Variants in CDH12 observed in about 807,000 individuals in gnomAD.
CDH12 encodes cadherin-12.
Under a neutral mutation model 74.1 loss-of-function variants are expected in CDH12, and 41 were observed. That is an observed-to-expected ratio of 0.55 (90% CI 0.43 to 0.72). The LOEUF (loss-of-function observed/expected upper bound fraction) is 0.72. CDH12 is among the 30% of genes least tolerant of loss of function. CDH12 has a pLI of 0.00. For missense variants in CDH12, 945 were observed against 977.2 expected (o/e 0.97, Z 0.44); for synonymous variants, 399 against 355.0 (o/e 1.12, Z -1.39).
At chr5:22,138,553 T>A (rs1308691825) in intron 4 of CDH12, among the ~76,000 whole-genome samples, 2 of 151,108 alleles carry the variant, frequency 1.3e-5, no homozygotes, top group East Asian at 3.9e-4. Context: ...TTTATATTTA[T>A]CAAAAGGTTA....
intron 1 of CDH12, among the ~76,000 whole-genome samples, chr5:22,536,548 G>A (rs964245145): frequency 1.3e-5 from 2 of 152,040 alleles, no homozygotes; most frequent in African/African-American, 4.8e-5. Flanking sequence ...TGATGATTAT[G>A]CTAATAAGTG....
chr5:22,426,442 A>G (rs533397240), intron 2 of CDH12, among the ~76,000 whole-genome samples: 43 of 152,096 alleles, frequency 2.8e-4, no homozygotes, highest in African/African-American at 9.9e-4. Context: ...GTTCTTTTCT[A>G]TTTATAACTA....
At chr5:22,758,536 G>GTTTT (rs796728010) in intron 1 of CDH12, among the ~76,000 whole-genome samples, 1 of 144,004 alleles carries the variant, frequency 6.9e-6, no homozygotes, top group Non-Finnish European at 1.5e-5. Flanking sequence ...TTGATTTATA[G>GTTTT]TTTTTTTTTT....
intron 8 of CDH12, among the ~76,000 whole-genome samples, chr5:21,833,059 TATATAAC>T (rs1419369378): frequency 3.6e-5 from 3 of 84,336 alleles, no homozygotes; most frequent in Non-Finnish European, 6.3e-5. Flanking sequence ...TATTATATGT[TATATAAC>T]ATATAATATA....
intron 5 of CDH12, among the ~76,000 whole-genome samples, chr5:21,988,679 C>T (rs185397745): frequency 1.3e-5 from 2 of 151,874 alleles, no homozygotes; most frequent in East Asian, 3.9e-4. Flanking sequence ...GGGAAAAGCA[C>T]GTAAGACATT....
At chr5:22,239,598 A>G (rs1752677667) in intron 3 of CDH12, among the ~76,000 whole-genome samples, 1 of 152,206 alleles carries the variant, frequency 6.6e-6, no homozygotes, top group Non-Finnish European at 1.5e-5. Context: ...AGGTGGATAG[A>G]TTAGACAAAT....
chr5:21,836,140 GAAT>G (rs1251692911), intron 8 of CDH12, among the ~76,000 whole-genome samples: 1 of 151,394 alleles, frequency 6.6e-6, no homozygotes, highest in Non-Finnish European at 1.5e-5. Flanking sequence ...GTTAATTTCA[GAAT>G]AATAAGAATT....
chr5:21,880,133 A>G (rs1307835659), intron 6 of CDH12, among the ~76,000 whole-genome samples: 3 of 152,160 alleles, frequency 2.0e-5, no homozygotes, highest in Non-Finnish European at 4.4e-5. Flanking sequence ...TACAGTACTG[A>G]ACCTGGGGCC....
chr5:21,853,525 C>T (rs1750586376), intron 7 of CDH12, among the ~76,000 whole-genome samples: 1 of 151,590 alleles, frequency 6.6e-6, no homozygotes, highest in Non-Finnish European at 1.5e-5. Flanking sequence ...GAGAGAATGG[C>T]AGGTTCAGTT....
chr5:21,779,005 C>G (rs548114451), intron 11 of CDH12, among the ~76,000 whole-genome samples: 56 of 151,752 alleles, frequency 3.7e-4, no homozygotes, highest in African/African-American at 1.2e-3. Flanking sequence ...TATATGTAAA[C>G]TTTTTTCAAT....
intron 1 of CDH12, among the ~76,000 whole-genome samples, chr5:22,645,665 T>G (rs959328270): frequency 6.6e-6 from 1 of 151,990 alleles, no homozygotes; most frequent in Non-Finnish European, 1.5e-5. Context: ...CATCATATGC[T>G]ACAGAGGAAT....
chr5:22,290,018 G>C (rs1462857059), intron 3 of CDH12, among the ~76,000 whole-genome samples: 2 of 152,084 alleles, frequency 1.3e-5, no homozygotes, highest in African/African-American at 4.8e-5. Context: ...ATGAGCCCCA[G>C]GTATCTGGAG....
chr5:22,242,021 T>C (rs1752769162), intron 3 of CDH12, among the ~76,000 whole-genome samples: 1 of 152,108 alleles, frequency 6.6e-6, no homozygotes, highest in South Asian at 2.1e-4. Flanking sequence ...AATATTTCTT[T>C]ATTTGTTAAA....
At chr5:22,418,755 G>T (rs990748436) in intron 2 of CDH12, among the ~76,000 whole-genome samples, 1 of 152,040 alleles carries the variant, frequency 6.6e-6, no homozygotes, top group African/African-American at 2.4e-5. Context: ...ATGGTGGCAG[G>T]CTCCTGTAAT....
rs1197292541 is a variant in CDH12 at position 22,108,053 on chromosome 5, T to A, written c.-186-29191A>T. On this transcript the variant is annotated intron_variant, in intron 4 of 14. Transcript: ENST00000382254. ...TTTTGCAATTAAGAATAATGCATGATATTGTTTGGCTGTGTTCCCACCCAA... is the reference window on the plus strand; with the variant it reads ...TTTTGCAATTAAGAATAATGCATGAAATTGTTTGGCTGTGTTCCCACCCAA... Among the ~76,000 whole-genome samples, 3 of 152,214 alleles carry A rather than the reference T, an allele frequency of 2.0e-5. No homozygotes were observed. The East Asian group carries it at 5.8e-4, about 29-fold the overall frequency.
intron 3 of CDH12, among the ~76,000 whole-genome samples, chr5:22,295,807 ATC>A (rs951746502): frequency 2.0e-5 from 3 of 152,128 alleles, no homozygotes; most frequent in Non-Finnish European, 2.9e-5. Flanking sequence ...TACGACAAGA[ATC>A]TCTATCTATG....
rs371121551 is a variant in CDH12 at position 22,082,644 on chromosome 5, G to T, written c.-186-3782C>A. Among the ~76,000 whole-genome samples the T allele has an allele frequency of 2.6e-5, 4 of 152,262 alleles. No individual in the cohort carries two copies. The South Asian group carries it at 8.3e-4, about 32-fold the overall frequency. On this transcript the variant is annotated intron_variant, in intron 4 of 14. Coordinates refer to ENST00000382254, the MANE Select transcript of CDH12 (RefSeq NM_004061.5). Reference sequence around the variant, plus strand: ...GGTTACTGAAACCATGGAAAATGACGCAGGATAAGGGGTGACTACTGTGTG... The same window carrying T: ...GGTTACTGAAACCATGGAAAATGACTCAGGATAAGGGGTGACTACTGTGTG...
chr5:21,808,713 GT>G (rs1232295093), intron 9 of CDH12, among the ~76,000 whole-genome samples: 1 of 152,050 alleles, frequency 6.6e-6, no homozygotes, highest in African/African-American at 2.4e-5. Flanking sequence ...CTAAAACTCA[GT>G]TTTATGATCA....
intron 2 of CDH12, among the ~76,000 whole-genome samples, chr5:22,476,934 T>C (rs918698662): frequency 6.6e-6 from 1 of 152,044 alleles, no homozygotes; most frequent in Non-Finnish European, 1.5e-5. Context: ...AGTGGTGGAG[T>C]TACCATACTG....
Sources: gnomAD v4.1 joint callset for allele counts (sites outside exome capture counted in the v4.1 genomes callset) on GRCh38, gnomAD v4.1.1 for gene constraint, MANE v1.5 for transcripts, NCBI Gene and HGNC (gene_info 2026-07-23, HGNC 2026-07-21) for gene names.